Variants in CHD6 observed in about 807,000 individuals in gnomAD.
CHD6 encodes chromodomain helicase DNA binding protein 6.
CHD6 carries 50 observed loss-of-function variants against 276.9 expected under a neutral mutation model. That is an observed-to-expected ratio of 0.18 (90% CI 0.14 to 0.23). CHD6 has a LOEUF of 0.23. Among genes scored for constraint, CHD6 ranks in the 10% least tolerant of loss-of-function variants. CHD6 has a pLI of 1.00. For synonymous variants in CHD6, 1,173 were observed against 1,229.3 expected (o/e 0.95, Z 0.96); for missense variants, 2,564 against 3,365.8 (o/e 0.76, Z 5.89).
In CHD6 at chr20:41,426,120, T is replaced by A; in HGVS notation, c.4102A>T (p.Ser1368Cys). 6.2e-7 allele frequency: 1 copy of A among 1,613,680 alleles called. No homozygotes were observed. Among genetic ancestry groups the A allele is most frequent in the South Asian group, 1.1e-5 (1 of 91,082 alleles). ...SSSDGGDGVF[S>C]EKKDDSRAAQ... is the part of the protein sequence containing the mutation. ...GCCCGGCTGTCATCCTTCTTTTCGCTAAAAACGCCATCACCTCCATCACTG... is the reference window on the plus strand; with the variant it reads ...GCCCGGCTGTCATCCTTCTTTTCGCAAAAAACGCCATCACCTCCATCACTG... Residue 1368 changes from serine (S) to cysteine (C), a missense_variant, in exon 28 of 37, where the codon AGC (serine) becomes TGC (cysteine). Ser to Cys is a moderately radical substitution (Grantham distance 112, BLOSUM62 -1). This residue lies in a region of CHD6 where 515 missense variants were observed against 739.5 expected (regional missense o/e 0.70). Coordinates refer to ENST00000373233, the MANE Select transcript of CHD6 (RefSeq NM_032221.5).
At chr20:41,500,474 C>G (rs2043804270) in intron 5 of CHD6, among the ~76,000 whole-genome samples, 1 of 152,178 alleles carries the variant, frequency 6.6e-6, no homozygotes, top group Admixed American at 6.5e-5. Flanking sequence ...TAAGCTCTCT[C>G]AGACACATGG....
chr20:41,514,712 T>C (rs1025720458), intron 4 of CHD6, 93 bp downstream of exon 4: 2 of 1,417,284 alleles, frequency 1.4e-6, no homozygotes, highest in Admixed American at 4.1e-5. Flanking sequence ...GGGAGTGTGC[T>C]AGAGAAAGGC....
In CHD6 at chr20:41,403,409, C is replaced by T. The variant is rs1164897340; in HGVS notation, c.*1184G>A. ...GGCAGTTTCTTTCTCAGTTCCTAAA[C>T]ATGGAGAAGCTGAGGAAGAAGAGAA... On this transcript the variant is annotated 3_prime_UTR_variant, in exon 37 of 37. Transcript: ENST00000373233. 1.6e-5 allele frequency: 17 copies of T among 1,061,834 alleles called. No homozygotes were observed. Among genetic ancestry groups the T allele is most frequent in the Non-Finnish European group, 1.9e-5 (17 of 877,086 alleles). 65.8% of individuals were successfully genotyped at this position (1,061,834 alleles called of 1,614,324 possible).
At chr20:41,547,374 C>G (rs2045062248) in intron 2 of CHD6, 1 of 217,674 alleles carries the variant, frequency 4.6e-6, no homozygotes, top group Admixed American at 5.2e-5. Context: ...GGTGCAACTT[C>G]TTTCAGTCGT....
chr20:41,551,258 A>C, intron 2 of CHD6, 47 bp downstream of exon 2: 1 of 1,289,774 alleles, frequency 7.8e-7, no homozygotes, highest in Non-Finnish European at 1.1e-6. Flanking sequence ...TTGAAAAAGC[A>C]CCAAGATACC....
intron 1 of CHD6, among the ~76,000 whole-genome samples, chr20:41,555,099 G>A (rs1203663701): frequency 2.7e-5 from 4 of 146,038 alleles, no homozygotes; most frequent in African/African-American, 1.0e-4. Context: ...CGGCTTGCCG[G>A]GCGGGGGGCT....
chr20:41,559,829 C>G (rs1255687687), intron 1 of CHD6, among the ~76,000 whole-genome samples: 1 of 151,972 alleles, frequency 6.6e-6, no homozygotes, highest in Non-Finnish European at 1.5e-5. Context: ...AACAAAGAAC[C>G]CCACAACTCT....
At chr20:41,482,932 GTGA>G (rs1478495313) in intron 16 of CHD6, among the ~76,000 whole-genome samples, 2 of 152,112 alleles carry the variant, frequency 1.3e-5, no homozygotes, top group African/African-American at 4.8e-5. Context: ...ATTTGATATA[GTGA>G]TGATTTCCAG....
chr20:41,583,526 G>A (rs34602906), intron 1 of CHD6, among the ~76,000 whole-genome samples: 10,702 of 152,164 alleles, frequency 0.07, 512 homozygotes, highest in Non-Finnish European at 0.1. Context: ...AATGGTAAAC[G>A]AAGTTCTTTA....
intron 1 of CHD6, among the ~76,000 whole-genome samples, chr20:41,570,688 A>C (rs1288995068): frequency 6.6e-6 from 1 of 152,236 alleles, no homozygotes; most frequent in Non-Finnish European, 1.5e-5. Flanking sequence ...TGAAAGCACA[A>C]AACAACCTCA....
chr20:41,548,963 G>A (rs2045097951), intron 2 of CHD6, among the ~76,000 whole-genome samples: 1 of 152,144 alleles, frequency 6.6e-6, no homozygotes, highest in African/African-American at 2.4e-5. Context: ...ACACCAGTTA[G>A]AATGGCGTTC....
chr20:41,546,486 C>T (rs1029298415), intron 2 of CHD6, among the ~76,000 whole-genome samples: 4 of 152,190 alleles, frequency 2.6e-5, no homozygotes, highest in Admixed American at 6.5e-5. Flanking sequence ...AAGATGACAC[C>T]TGCCTGCAGA....
At chr20:41,508,283 G>T (rs1017507327) in intron 5 of CHD6, among the ~76,000 whole-genome samples, 1 of 152,092 alleles carries the variant, frequency 6.6e-6, no homozygotes, top group Non-Finnish European at 1.5e-5. Flanking sequence ...ACAAAATGAG[G>T]AGTAGTAATC....
intron 27 of CHD6, among the ~76,000 whole-genome samples, chr20:41,430,190 T>C (rs1003022978): frequency 6.6e-6 from 1 of 152,214 alleles, no homozygotes; most frequent in Non-Finnish European, 1.5e-5. Context: ...TTATAATCTG[T>C]CCACCTCAGA....
At chr20:41,454,327 G>A (rs1225970844) in intron 20 of CHD6, among the ~76,000 whole-genome samples, 1 of 152,212 alleles carries the variant, frequency 6.6e-6, no homozygotes, top group Non-Finnish European at 1.5e-5. Flanking sequence ...ATAGTCACAT[G>A]CCAGGGATAG....
chr20:41,404,746 G>T lies in CHD6; in HGVS notation c.7995C>A (p.Pro2665=), dbSNP rs1191397520. 1 of 1,605,446 alleles carries T rather than the reference G, an allele frequency of 6.2e-7. No homozygotes were observed. Among genetic ancestry groups the T allele is most frequent in the East Asian group, 2.2e-5 (1 of 44,808 alleles). Residue 2665 remains proline (P), a synonymous_variant, in exon 37 of 37, where the codon CCC becomes CCA. Transcript: ENST00000373233. ...TGGGAGCAGGCTCTGGGTGGGAGTTGGGGTTGTCCCCCTTTGTCTTCTTCT... is the reference window on the plus strand; with the variant it reads ...TGGGAGCAGGCTCTGGGTGGGAGTTTGGGTTGTCCCCCTTTGTCTTCTTCT... The part of the protein sequence containing the change: ...RKKKKTKGDN[P]NSHPEPAPSC...
chr20:41,462,642 G>A lies in CHD6; in HGVS notation c.2665-5214C>T, dbSNP rs188029186. Among the ~76,000 whole-genome samples, 223 of 152,244 alleles carry A rather than the reference G, an allele frequency of 1.5e-3. 1 individual carries two copies. Among genetic ancestry groups the A allele is most frequent in the African/African-American group, 5.2e-3 (217 of 41,544 alleles). On this transcript the variant is annotated intron_variant, in intron 17 of 36. Transcript: ENST00000373233. ...AAACTCTGTGGTGCTAGAATGAATT[G>A]GAGGTATCAGTATTAACTCATGGTT...
rs944083011 is a variant in CHD6 at position 41,404,409 on chromosome 20, T to C, written c.*184A>G. 1.0e-5 allele frequency: 13 copies of C among 1,294,732 alleles called. No homozygotes were observed. The Middle Eastern group carries it at 8.7e-4, about 87-fold the overall frequency. The allele number at this position is 1,294,732 out of a possible 1,614,324, so 80.2% of individuals were successfully genotyped here. A position where few individuals can be genotyped will look rare whatever the true frequency, so the allele number is the denominator to read the frequency against. On this transcript the variant is annotated 3_prime_UTR_variant, in exon 37 of 37. Transcript: ENST00000373233. ...TCCTAGACTAGGTAGACAACACTTA[T>C]CTAATGAAGTGGTGAGACCCTGCAA...
chr20:41,496,932 C>G (rs1231391877), intron 8 of CHD6: 3 of 165,180 alleles, frequency 1.8e-5, no homozygotes, highest in African/African-American at 7.2e-5. Flanking sequence ...ATCAGTCCTT[C>G]CTCTTGCTAT....
Sources: gnomAD v4.1 joint callset for allele counts (sites outside exome capture counted in the v4.1 genomes callset) on GRCh38, gnomAD v4.1.1 for gene constraint, gnomAD v4.1.1 regional missense constraint, MANE v1.5 for transcripts, NCBI Gene and HGNC (gene_info 2026-07-23, HGNC 2026-07-21) for gene names.